TRAPPC10: variants seen among roughly 807,000 people sequenced by gnomAD.
TRAPPC10 encodes trafficking protein particle complex subunit 10.
A neutral mutation model predicts 125.5 loss-of-function variants in TRAPPC10; 23 were observed. The observed-to-expected ratio is 0.18, with a 90% CI of 0.13 to 0.26. The LOEUF (loss-of-function observed/expected upper bound fraction) is 0.26, where lower values mean the gene tolerates loss of function less well. Among genes scored for constraint, TRAPPC10 ranks in the 10% least tolerant of loss-of-function variants. TRAPPC10 has a pLI of 1.00. For synonymous variants in TRAPPC10, 509 were observed against 518.0 expected, an observed-to-expected ratio of 0.98 and a Z score of 0.24; for missense variants, 1,123 against 1,308.4, an observed-to-expected ratio of 0.86 and a Z score of 2.19.
intron 8 of TRAPPC10, 149 bp downstream of exon 8, chr21:44,074,619 C>A: frequency 1.9e-6 from 2 of 1,028,552 alleles, no homozygotes; most frequent in Non-Finnish European, 2.8e-6. Flanking sequence ...CTGGGTGCAG[C>A]CAAAGAAGTC....
rs576292776 is a variant in TRAPPC10, at chr21:44,087,533, A to G, written c.2540-166A>G. Among the ~76,000 whole-genome samples, 1 of 151,908 alleles carries G rather than the reference A, an allele frequency of 6.6e-6. No individual in the cohort carries two copies. Among genetic ancestry groups the G allele is most frequent in the Admixed American group, 6.5e-5 (1 of 15,288 alleles). ...GGCGCCTGCCTGCCGGCTTTCACAC[A>G]GGGCTGCTCTGTCCTAGGGGCCTTG... On this transcript the variant is annotated intron_variant, in intron 16 of 22. Transcript: ENST00000291574. This position sits in a 1 kb window ranked among gnomAD's most constrained non-coding sequence, Gnocchi z 4.6.
At chr21:44,046,517 TTTTTTG>T in intron 3 of TRAPPC10, 1 of 171,718 alleles carries the variant, frequency 5.8e-6, no homozygotes. Flanking sequence ...TTTTTTTTTT[TTTTTTG>T]GGGGGAGGAT....
intron 1 of TRAPPC10, among the ~76,000 whole-genome samples, chr21:44,020,271 C>T (rs933055906): frequency 8.6e-5 from 13 of 151,970 alleles, no homozygotes; most frequent in South Asian, 2.1e-4. Context: ...GGACTACAGG[C>T]GCCCACCACC....
chr21:44,030,803 T>C (rs1167805921), intron 1 of TRAPPC10, among the ~76,000 whole-genome samples: 2 of 152,202 alleles, frequency 1.3e-5, no homozygotes, highest in African/African-American at 2.4e-5. Context: ...ACCAAATAAA[T>C]GAACAAGATA....
In TRAPPC10 at chr21:44,059,076, T is replaced by C; in HGVS notation, c.679-27T>C. ...ATACATTGATTTATGTTTTTGTTTT[T>C]TTAAAAAACGTATCTTGGGCGAATA... On this transcript the variant is annotated intron_variant, in intron 5 of 22. Transcript: ENST00000291574. The surrounding 1 kb of genome is among the most constrained non-coding windows in gnomAD (Gnocchi z 4.4). 1 of 1,553,536 alleles carries C rather than the reference T, an allele frequency of 6.4e-7. No homozygotes were observed. Among genetic ancestry groups the C allele is most frequent in the Non-Finnish European group, 8.7e-7 (1 of 1,150,086 alleles).
intron 3 of TRAPPC10, chr21:44,046,805 G>T: frequency 1.8e-6 from 1 of 552,420 alleles, no homozygotes; most frequent in Non-Finnish European, 3.4e-6. Context: ...ACCGCACCCG[G>T]CCACCTTTAA....
At chr21:44,089,680 G>T in intron 17 of TRAPPC10, 153 bp from the exon 18 acceptor site, 1 of 656,950 alleles carries the variant, frequency 1.5e-6, no homozygotes, top group Non-Finnish European at 2.8e-6. Context: ...TATGTGTTGG[G>T]TAAGGCTTTG....
intron 3 of TRAPPC10, among the ~76,000 whole-genome samples, chr21:44,044,094 G>A (rs1293180787): frequency 1.3e-5 from 2 of 152,186 alleles, no homozygotes; most frequent in African/African-American, 4.8e-5. Context: ...AAGGCTGGAG[G>A]CATTTTGATT....
intron 1 of TRAPPC10, among the ~76,000 whole-genome samples, chr21:44,018,310 C>T (rs1002215994): frequency 3.3e-5 from 5 of 151,782 alleles, no homozygotes; most frequent in Non-Finnish European, 5.9e-5. Context: ...GAGGCCGAGG[C>T]GGGAGGATCA....
chr21:44,051,339 AT>A (rs2035221345), intron 3 of TRAPPC10, among the ~76,000 whole-genome samples: 2 of 152,208 alleles, frequency 1.3e-5, no homozygotes, highest in Non-Finnish European at 1.5e-5. Context: ...GAAAGCACTG[AT>A]TTAGATGGTA....
intron 1 of TRAPPC10, among the ~76,000 whole-genome samples, chr21:44,023,181 C>T (rs554084645): frequency 4.3e-4 from 65 of 151,386 alleles, no homozygotes; most frequent in Admixed American, 9.2e-4. Context: ...TACAGGTGCC[C>T]GCCACCACGC....
chr21:44,064,947 C>G (rs989400777), intron 7 of TRAPPC10, among the ~76,000 whole-genome samples: 4 of 152,080 alleles, frequency 2.6e-5, no homozygotes, highest in Admixed American at 6.6e-5. Flanking sequence ...CTGTAATCAC[C>G]TGGATTTAGA....
At chr21:44,022,276 ATTT>A (rs58767563) in intron 1 of TRAPPC10, among the ~76,000 whole-genome samples, 240 of 83,804 alleles carry the variant, frequency 2.9e-3, no homozygotes, top group African/African-American at 9.3e-3. Context: ...GCCTGGCTAA[ATTT>A]TTTTTTTTTT....
intron 6 of TRAPPC10, among the ~76,000 whole-genome samples, chr21:44,061,702 A>G (rs986333137): frequency 6.6e-6 from 1 of 152,256 alleles, no homozygotes; most frequent in Non-Finnish European, 1.5e-5. Flanking sequence ...TGAGCACCAA[A>G]TAGAATAATT....
intron 1 of TRAPPC10, among the ~76,000 whole-genome samples, chr21:44,030,725 C>T (rs1052803932): frequency 6.6e-6 from 1 of 152,198 alleles, no homozygotes; most frequent in Non-Finnish European, 1.5e-5. Flanking sequence ...ACCTCGGCCT[C>T]CCAAAATGCT....
chr21:44,013,443 T>C (rs1371713744), intron 1 of TRAPPC10, among the ~76,000 whole-genome samples: 5 of 152,228 alleles, frequency 3.3e-5, no homozygotes, highest in African/African-American at 1.2e-4. Context: ...TTCTGTATTT[T>C]CATGCATGTA....
In TRAPPC10 at chr21:44,063,404, C is replaced by A; in HGVS notation, c.791-134C>A. The A allele has an allele frequency of 7.4e-7, 1 of 1,358,416 alleles. No individual in the cohort carries two copies. The highest frequency in any genetic ancestry group is 1.0e-6 in the Non-Finnish European group (1 of 996,034). 84.1% of individuals were successfully genotyped at this position (1,358,416 alleles called of 1,614,324 possible). A position where few individuals can be genotyped will look rare whatever the true frequency, so the allele number is the denominator to read the frequency against. On this transcript the variant is annotated intron_variant, in intron 6 of 22. Coordinates refer to ENST00000291574, the MANE Select transcript of TRAPPC10 (RefSeq NM_003274.5). The surrounding 1 kb of genome is among the most constrained non-coding windows in gnomAD (Gnocchi z 4.4). ...GGGAGCCGAATGCATCACTAGACCA[C>A]AGGGGGTGGGCCAGTGTTCATAGAA...
intron 18 of TRAPPC10, chr21:44,091,642 G>C: frequency 3.6e-6 from 1 of 275,466 alleles, no homozygotes. Context: ...GTTTCACCAT[G>C]TTGGCCAGGA....
chr21:44,026,723 G>A (rs528069309), intron 1 of TRAPPC10, among the ~76,000 whole-genome samples: 2 of 152,270 alleles, frequency 1.3e-5, no homozygotes, highest in East Asian at 3.9e-4. Context: ...CTTGCTTGGA[G>A]GGCCTTAAAA....
Sources: gnomAD v4.1 joint callset for allele counts (sites outside exome capture counted in the v4.1 genomes callset) on GRCh38, gnomAD v4.1.1 for gene constraint, Gnocchi (gnomAD v3.1) non-coding constraint, MANE v1.5 for transcripts, NCBI Gene and HGNC (gene_info 2026-07-23, HGNC 2026-07-21) for gene names.